Variants in SNTG1 observed in about 807,000 individuals in gnomAD.
The protein encoded by SNTG1 is syntrophin gamma 1.
Under a neutral mutation model 74.7 loss-of-function variants are expected in SNTG1, and 39 were observed. The ratio of observed to expected loss-of-function variants is 0.52; its 90% CI spans 0.40 to 0.68. The LOEUF is 0.68. Among genes scored for constraint, SNTG1 ranks in the 30% least tolerant of loss-of-function variants. The pLI, the probability that SNTG1 is intolerant of heterozygous loss-of-function variation, is 0.00. For missense variants in SNTG1, 685 were observed against 609.5 expected (o/e 1.12, Z -1.30); for synonymous variants, 254 against 217.1 (o/e 1.17, Z -1.49).
At chr8:50,780,855 C>T (rs1404437414) in intron 18 of SNTG1, among the ~76,000 whole-genome samples, 1 of 152,122 alleles carries the variant, frequency 6.6e-6, no homozygotes, top group Non-Finnish European at 1.5e-5. Context: ...CTATAAATTT[C>T]CCTCTACACA....
At chr8:50,688,163 G>T (rs2095361109) in intron 15 of SNTG1, among the ~76,000 whole-genome samples, 1 of 152,068 alleles carries the variant, frequency 6.6e-6, no homozygotes, top group South Asian at 2.1e-4. Flanking sequence ...TTAGCCCTTT[G>T]TCAGATGAGT....
chr8:50,080,092 T>C (rs1822268766), intron 1 of SNTG1, among the ~76,000 whole-genome samples: 1 of 152,176 alleles, frequency 6.6e-6, no homozygotes, highest in African/African-American at 2.4e-5. Context: ...ACAATGTATA[T>C]TTATGGTGAT....
At chr8:49,984,641 A>G (rs986330680) in intron 1 of SNTG1, among the ~76,000 whole-genome samples, 10 of 152,232 alleles carry the variant, frequency 6.6e-5, no homozygotes, top group African/African-American at 2.4e-4. Flanking sequence ...AATCTTATTT[A>G]AAAAATAAAT....
chr8:50,680,919 C>T (rs976573096), intron 15 of SNTG1, among the ~76,000 whole-genome samples: 5 of 152,042 alleles, frequency 3.3e-5, no homozygotes, highest in Admixed American at 2.0e-4. Flanking sequence ...GGTGTTTATT[C>T]GCTACAGTAA....
chr8:50,234,445 G>A (rs1199789908), intron 2 of SNTG1, among the ~76,000 whole-genome samples: 2 of 151,850 alleles, frequency 1.3e-5, no homozygotes, highest in African/African-American at 2.4e-5. Flanking sequence ...TTTCAAAATA[G>A]TTCTGTACCT....
At chr8:50,771,366 T>C (rs1410035671) in intron 18 of SNTG1, among the ~76,000 whole-genome samples, 1 of 152,092 alleles carries the variant, frequency 6.6e-6, no homozygotes, top group Non-Finnish European at 1.5e-5. Context: ...GCCCTAGTAT[T>C]TTGTGGAAGG....
At chr8:50,491,069 A>C (rs2093848187) in intron 8 of SNTG1, 1 of 152,884 alleles carries the variant, frequency 6.5e-6, no homozygotes, top group African/African-American at 2.4e-5. Context: ...TCACAGATGG[A>C]ACAGCAAGGA....
chr8:50,749,290 G>A (rs1162935210), intron 17 of SNTG1, among the ~76,000 whole-genome samples: 1 of 152,040 alleles, frequency 6.6e-6, no homozygotes, highest in Non-Finnish European at 1.5e-5. Flanking sequence ...AGCTGATAAA[G>A]ATGAAGAAGC....
chr8:50,659,030 A>T (rs1585986812), intron 15 of SNTG1, among the ~76,000 whole-genome samples: 1 of 152,132 alleles, frequency 6.6e-6, no homozygotes, highest in East Asian at 1.9e-4. Flanking sequence ...TTTCTGAATA[A>T]AATGCAAAAG....
intron 2 of SNTG1, among the ~76,000 whole-genome samples, chr8:50,279,559 C>A (rs1319894260): frequency 1.3e-5 from 2 of 152,056 alleles, no homozygotes; most frequent in Admixed American, 1.3e-4. Context: ...TAAAGTATAT[C>A]ATGTAAATTT....
At chr8:50,743,450 C>T (rs530523652) in intron 17 of SNTG1, among the ~76,000 whole-genome samples, 202 of 151,640 alleles carry the variant, frequency 1.3e-3, no homozygotes, top group African/African-American at 3.0e-3. Context: ...CTTGTCAGAA[C>T]GCATCAACCT....
At chr8:50,258,540 G>C (rs977673334) in intron 2 of SNTG1, among the ~76,000 whole-genome samples, 3 of 151,966 alleles carry the variant, frequency 2.0e-5, no homozygotes, top group African/African-American at 7.2e-5. Flanking sequence ...TTAAAAGATG[G>C]TATGATGATA....
intron 13 of SNTG1, among the ~76,000 whole-genome samples, chr8:50,630,888 T>C (rs149796116): frequency 6.6e-6 from 1 of 152,332 alleles, no homozygotes; most frequent in African/African-American, 2.4e-5. Flanking sequence ...CCTTTTGGAA[T>C]GCCAAAGACT....
chr8:50,737,923 C>G (rs2095533044), intron 17 of SNTG1, among the ~76,000 whole-genome samples: 2 of 151,990 alleles, frequency 1.3e-5, no homozygotes, highest in South Asian at 4.1e-4. Flanking sequence ...ATAATAAGAG[C>G]TATTTATGAC....
At chr8:50,648,943 T>C (rs998187578) in intron 13 of SNTG1, among the ~76,000 whole-genome samples, 1 of 152,304 alleles carries the variant, frequency 6.6e-6, no homozygotes, top group East Asian at 1.9e-4. Context: ...CCAAATACTA[T>C]AGTTTATTTG....
intron 18 of SNTG1, among the ~76,000 whole-genome samples, chr8:50,778,547 G>A (rs1563830129): frequency 6.6e-6 from 1 of 152,134 alleles, no homozygotes; most frequent in Admixed American, 6.5e-5. Context: ...TTTTGATGGG[G>A]TTGTTTGTTT....
Position 50,794,865 on chromosome 8 carries a change from T to A in SNTG1, c.*2036T>A, listed in dbSNP as rs886356146. 4 of 152,030 alleles carry A rather than the reference T, an allele frequency of 2.6e-5. No homozygotes were observed. The highest frequency in any genetic ancestry group is 9.7e-5 in the African/African-American group (4 of 41,426). 9.4% of individuals were successfully genotyped at this position (152,030 alleles called of 1,614,324 possible). ...ACCTGTAATAGAATGATTTAAAAAT[T>A]GTGAAATTTTGTAAACGTTCCATTT... On this transcript the variant is annotated 3_prime_UTR_variant, in exon 19 of 19. Coordinates refer to ENST00000642720, the MANE Select transcript of SNTG1 (RefSeq NM_018967.5).
chr8:50,475,481 G>C (rs890973035), intron 8 of SNTG1, among the ~76,000 whole-genome samples: 1 of 152,144 alleles, frequency 6.6e-6, no homozygotes, highest in African/African-American at 2.4e-5. Flanking sequence ...CCTGACTTCT[G>C]TAGATTCCTG....
At chr8:50,132,062 A>T (rs1308598126) in intron 1 of SNTG1, among the ~76,000 whole-genome samples, 2 of 151,984 alleles carry the variant, frequency 1.3e-5, no homozygotes, top group African/African-American at 4.8e-5. Flanking sequence ...CTGGTACTAT[A>T]CTGTTTTGAT....
Sources: allele counts gnomAD v4.1 joint callset (sites outside exome capture counted in the v4.1 genomes callset), GRCh38; gene constraint gnomAD v4.1.1; transcripts MANE v1.5; gene names NCBI Gene and HGNC (gene_info 2026-07-23, HGNC 2026-07-21).